ADGRV1: variants seen among roughly 807,000 people sequenced by gnomAD.
ADGRV1 encodes the protein adhesion G protein-coupled receptor V1, also known as G-protein coupled receptor 98.
Under a neutral mutation model 596.2 loss-of-function variants are expected in ADGRV1, and 359 were observed. The ratio of observed to expected loss-of-function variants is 0.60; its 90% confidence interval spans 0.55 to 0.66. ADGRV1 has a LOEUF of 0.66. Ranked by LOEUF, ADGRV1 falls within the 30% of genes least tolerant of loss-of-function variation. The pLI is 0.00. For synonymous variants in ADGRV1, 2,681 were observed against 2,679.2 expected (o/e 1.00, Z -0.02); for missense variants, 7,274 against 7,575.6 (o/e 0.96, Z 1.48).
Position 90,694,138 on chromosome 5 carries a change from C to T in ADGRV1, c.7382C>T (p.Pro2461Leu), listed in dbSNP as rs560465803. 13 of 1,613,756 alleles carry T rather than the reference C, an allele frequency of 8.1e-6. No homozygotes were observed. The East Asian group carries it at 2.7e-4, about 33-fold the overall frequency. Reference sequence around the variant, plus strand: ...TCATTTTTCAGTGCTTCTGAGGGTCCCCAGTGTTTCTGGATGACATCATGG... The same window carrying T: ...TCATTTTTCAGTGCTTCTGAGGGTCTCCAGTGTTTCTGGATGACATCATGG... ...AFSFFSASEG[P>L]QCFWMTSWIS... Residue 2461 changes from proline (P) to leucine (L), a missense_variant, in exon 33 of 90, where the codon CCC becomes CTC. Pro to Leu is a moderately conservative substitution (Grantham distance 98). This residue lies in a region of ADGRV1 where 3,643 missense variants were observed against 3,809.2 expected (regional missense o/e 0.96). Coordinates refer to ENST00000405460, the MANE Select transcript of ADGRV1 (RefSeq NM_032119.4).
intron 21 of ADGRV1, among the ~76,000 whole-genome samples, chr5:90,667,583 G>C (rs1376430940): frequency 6.7e-6 from 1 of 149,824 alleles, no homozygotes; most frequent in Non-Finnish European, 1.5e-5. Context: ...AGAGTAATTT[G>C]ATCGTCTGAA....
Position 90,707,190 on chromosome 5 carries a change from A to T in ADGRV1, c.8730+796A>T, listed in dbSNP as rs183761499. Among the ~76,000 whole-genome samples the T allele has an allele frequency of 9.5e-4, 145 of 152,242 alleles. 1 individual carries two copies. The highest frequency in any genetic ancestry group is 7.7e-3 in the South Asian group (37 of 4,830). On this transcript the variant is annotated intron_variant, in intron 38 of 89. Transcript: ENST00000405460. ...ATTAAGCTTAGCATAATCATTAATG[A>T]TTGAAATTGCATTTTAAATAATTTT...
chr5:90,772,621 T>C (rs947019589), intron 59 of ADGRV1, among the ~76,000 whole-genome samples: 2 of 152,212 alleles, frequency 1.3e-5, no homozygotes, highest in African/African-American at 4.8e-5. Context: ...GTCTGCAAAT[T>C]ACCACAAAAG....
chr5:90,637,655 A>G (rs1766392746), intron 10 of ADGRV1, 70 bp from the exon 11 acceptor site: 2 of 1,116,316 alleles, frequency 1.8e-6, no homozygotes, highest in African/African-American at 1.6e-5. Flanking sequence ...ACTAATATCA[A>G]TACCAAAGCT....
chr5:90,781,680 G>A, intron 65 of ADGRV1, 102 bp downstream of exon 65: 3 of 1,073,460 alleles, frequency 2.8e-6, no homozygotes, highest in Non-Finnish European at 4.0e-6. Flanking sequence ...GTGTGGGTGT[G>A]TGTGTTTGTG....
At position 90,704,667 on chromosome 5, in the gene ADGRV1, A is replaced by G. The variant is rs1189980031; in HGVS notation, c.8386+179A>G. ...GCACCATATGGGAATACTTATCTTTATAGACTAGGAAAGAAGCCCTGAAAC... is the reference window on the plus strand; with the variant it reads ...GCACCATATGGGAATACTTATCTTTGTAGACTAGGAAAGAAGCCCTGAAAC... On this transcript the variant is annotated intron_variant, in intron 36 of 89. Coordinates refer to ENST00000405460, the MANE Select transcript of ADGRV1 (RefSeq NM_032119.4). 2.6e-5 allele frequency among the ~76,000 whole-genome samples: 4 copies of G among 152,312 alleles called. No homozygotes were observed. The East Asian group carries it at 5.8e-4, about 22-fold the overall frequency.
intron 2 of ADGRV1, among the ~76,000 whole-genome samples, chr5:90,615,955 T>C (rs568630158): frequency 1.0e-3 from 157 of 152,148 alleles, no homozygotes; most frequent in African/African-American, 2.9e-3. Context: ...AATGTTATTC[T>C]GGTGAAACTG....
intron 68 of ADGRV1, among the ~76,000 whole-genome samples, chr5:90,788,618 A>G (rs1759734259): frequency 6.6e-6 from 1 of 152,152 alleles, no homozygotes; most frequent in Admixed American, 6.6e-5. Context: ...TAGCATACCA[A>G]ACATTGGATA....
intron 84 of ADGRV1, among the ~76,000 whole-genome samples, chr5:90,981,633 G>A (rs1040263935): frequency 6.6e-6 from 1 of 152,154 alleles, no homozygotes; most frequent in Non-Finnish European, 1.5e-5. Context: ...TCCAGGGCTG[G>A]TTCCTGCCTT....
intron 42 of ADGRV1, among the ~76,000 whole-genome samples, chr5:90,715,824 T>A (rs1750032429): frequency 1.3e-5 from 2 of 152,188 alleles, no homozygotes; most frequent in African/African-American, 4.8e-5. Context: ...AAAATGAGAA[T>A]AATAATATAA....
At chr5:90,822,488 ATC>A (rs1763656874) in intron 75 of ADGRV1, among the ~76,000 whole-genome samples, 1 of 151,918 alleles carries the variant, frequency 6.6e-6, no homozygotes, top group Non-Finnish European at 1.5e-5. Flanking sequence ...ATTGATCTGT[ATC>A]TCTGTTTTGG....
At chr5:91,116,245 C>T (rs1424612132) in intron 87 of ADGRV1, among the ~76,000 whole-genome samples, 1 of 152,166 alleles carries the variant, frequency 6.6e-6, no homozygotes, top group Non-Finnish European at 1.5e-5. Context: ...ATAATGTTCT[C>T]TTTACTTTGA....
In ADGRV1 at chr5:90,690,879, G is replaced by A; in HGVS notation, c.6789G>A (p.Gly2263=). The A allele has an allele frequency of 6.2e-7, 1 of 1,613,094 alleles. No homozygotes were observed. Among genetic ancestry groups the A allele is most frequent in the South Asian group, 1.1e-5 (1 of 91,000 alleles). The change falls in exon 31 of 90, where the codon GGG becomes GGA. Residue 2263 remains glycine, a synonymous_variant. Transcript: ENST00000405460. ...KVNLPIIRNS[G]TLGNVTVQWV... is the part of the protein sequence containing the mutation. Reference sequence around the variant, plus strand: ...ACCTGCCAATAATTCGAAATTCTGGGACACTCGGCAATGTTACTGTTCAGT... The same window carrying A: ...ACCTGCCAATAATTCGAAATTCTGGAACACTCGGCAATGTTACTGTTCAGT...
rs1272784985 is a variant in ADGRV1, at chr5:90,558,972, C to T, written c.22+55C>T. On this transcript the variant is annotated intron_variant, in intron 1 of 89. Transcript: ENST00000405460. ...AGCATCGCTGAGCCCCAGGGGAGCG[C>T]CTCAGCATCAGCACCTGTTGCTGCA... 2.0e-6 allele frequency: 3 copies of T among 1,498,016 alleles called. 1 individual carries two copies. Among genetic ancestry groups the T allele is most frequent in the Non-Finnish European group, 2.7e-6 (3 of 1,107,052 alleles). 92.8% of individuals were successfully genotyped at this position (1,498,016 alleles called of 1,614,324 possible).
chr5:90,867,492 C>G (rs1768239911), intron 83 of ADGRV1, among the ~76,000 whole-genome samples: 1 of 152,122 alleles, frequency 6.6e-6, no homozygotes, highest in South Asian at 2.1e-4. Flanking sequence ...TGTCCTGTTT[C>G]CCAGGGAGGA....
chr5:90,923,180 G>C (rs1774052888), intron 83 of ADGRV1, among the ~76,000 whole-genome samples: 1 of 152,066 alleles, frequency 6.6e-6, no homozygotes. Context: ...ATTTGGATAG[G>C]ATTTATTGCA....
rs1763158321 is a variant in ADGRV1 at position 90,614,814 on chromosome 5, AT to A, written c.23-14del. The stretch of plus-strand genomic sequence containing the variant: ...AGATTAGATATATTTTGTGAATAAT[AT>A]TTTTTTCTTTTTGTTTTAGGGATGC... On this transcript the variant is annotated intron_variant, in intron 1 of 89. Coordinates refer to ENST00000405460, the MANE Select transcript of ADGRV1 (RefSeq NM_032119.4). 1.2e-5 allele frequency: 18 copies of A among 1,533,514 alleles called. No individual in the cohort carries two copies. Among genetic ancestry groups the A allele is most frequent in the Admixed American group, 1.7e-5 (1 of 58,436 alleles). The allele number at this position is 1,533,514 out of a possible 1,614,324, so 95.0% of individuals were successfully genotyped here.
At chr5:90,654,179 C>A in intron 20 of ADGRV1, 1 of 545,426 alleles carries the variant, frequency 1.8e-6, no homozygotes, top group Non-Finnish European at 3.3e-6. Context: ...CTGGAATAAA[C>A]CCTAGCAGAG....
chr5:91,117,911 G>T (rs1792993259), intron 87 of ADGRV1, among the ~76,000 whole-genome samples: 1 of 152,168 alleles, frequency 6.6e-6, no homozygotes, highest in South Asian at 2.1e-4. Flanking sequence ...GGACTGAGTA[G>T]TATAAATAAT....
Sources: gnomAD v4.1 joint callset for allele counts (sites outside exome capture counted in the v4.1 genomes callset) on GRCh38, gnomAD v4.1.1 for gene constraint, gnomAD v4.1.1 regional missense constraint, MANE v1.5 for transcripts, NCBI Gene and HGNC (gene_info 2026-07-23, HGNC 2026-07-21) for gene names.